Variants in KCNK10 observed in about 807,000 individuals in gnomAD.
The protein encoded by KCNK10 is potassium two pore domain channel subfamily K member 10.
Under a neutral mutation model 47.7 loss-of-function variants are expected in KCNK10, and 25 were observed. The ratio of observed to expected loss-of-function variants is 0.52; its 90% confidence interval spans 0.38 to 0.73. The LOEUF (loss-of-function observed/expected upper bound fraction) is 0.73, where lower values mean the gene tolerates loss of function less well. Among genes scored for constraint, KCNK10 ranks in the 30% least tolerant of loss-of-function variants. The pLI, the probability that KCNK10 is intolerant of heterozygous loss-of-function variation, is 0.00. For missense variants in KCNK10, 563 were observed against 714.5 expected, an observed-to-expected ratio of 0.79 and a Z score of 2.42; for synonymous variants, 303 against 285.6, an observed-to-expected ratio of 1.06 and a Z score of -0.61.
In KCNK10 at chr14:88,185,807, A is replaced by T. The variant is rs781473836; in HGVS notation, c.1360T>A (p.Ser454Thr). 15 of 1,613,922 alleles carry T rather than the reference A, an allele frequency of 9.3e-6. No individual in the cohort carries two copies. The Admixed American group carries it at 2.5e-4, about 27-fold the overall frequency. ...SEDNIINKFG[S>T]TSRLTKRKNK... ...TTCCTCTTGGTGAGTCTGGAGGTGG[A>T]CCCGAACTTGTTGATGATGTTGTCC... Residue 454 changes from serine to threonine, a missense_variant, in exon 7 of 7, where the codon TCC (serine) becomes ACC (threonine). Transcript: ENST00000319231. This position sits in a 1 kb window ranked among gnomAD's most constrained non-coding sequence, Gnocchi z 4.3.
At chr14:88,243,256 T>C (rs965972482) in intron 2 of KCNK10, among the ~76,000 whole-genome samples, 2 of 152,236 alleles carry the variant, frequency 1.3e-5, no homozygotes, top group African/African-American at 4.8e-5. Context: ...GTTTTATCCT[T>C]TCTACAACTT....
intron 3 of KCNK10, among the ~76,000 whole-genome samples, chr14:88,228,646 TAAAA>T (rs902899408): frequency 2.6e-5 from 4 of 152,114 alleles, no homozygotes; most frequent in Non-Finnish European, 4.4e-5. Flanking sequence ...TGCAACATGA[TAAAA>T]AAACGTTGAT....
intron 1 of KCNK10, among the ~76,000 whole-genome samples, chr14:88,309,889 C>T (rs2139798061): frequency 6.6e-6 from 1 of 152,036 alleles, no homozygotes; most frequent in East Asian, 2.0e-4. Flanking sequence ...TGAAAAGTTG[C>T]TTTCAGTGAC....
In KCNK10 at chr14:88,238,127, C is replaced by A. The variant is rs561365824; in HGVS notation, c.520+2576G>T. On this transcript the variant is annotated intron_variant, in intron 3 of 6. Transcript: ENST00000319231. ...TTTATGTTATCAAAAGGTCTTCTTACCTTAAATGTCATAAACCAACCTCTG... is the reference window on the plus strand; with the variant it reads ...TTTATGTTATCAAAAGGTCTTCTTAACTTAAATGTCATAAACCAACCTCTG... Among the ~76,000 whole-genome samples, 10 of 152,284 alleles carry A rather than the reference C, an allele frequency of 6.6e-5. No homozygotes were observed. In the East Asian group the frequency reaches 1.7e-3, roughly 26 times the overall value.
intron 1 of KCNK10, among the ~76,000 whole-genome samples, chr14:88,266,801 T>C (rs1437017765): frequency 6.6e-6 from 1 of 152,154 alleles, no homozygotes; most frequent in Non-Finnish European, 1.5e-5. Flanking sequence ...CCTCATCAGC[T>C]GACATGCAAT....
intron 4 of KCNK10, among the ~76,000 whole-genome samples, chr14:88,212,592 A>C (rs1170558304): frequency 6.6e-6 from 1 of 152,204 alleles, no homozygotes; most frequent in Non-Finnish European, 1.5e-5. Flanking sequence ...TATTCTGTCC[A>C]CTGGCAATGC....
At chr14:88,235,153 G>A in intron 3 of KCNK10, 1 of 456,660 alleles carries the variant, frequency 2.2e-6, no homozygotes, top group Non-Finnish European at 4.4e-6. Flanking sequence ...GAAACACTCT[G>A]TCACAGAAAT....
chr14:88,297,584 C>G (rs570546558), intron 1 of KCNK10, among the ~76,000 whole-genome samples: 7 of 152,286 alleles, frequency 4.6e-5, no homozygotes, highest in Non-Finnish European at 1.0e-4. Flanking sequence ...CATTTGTACC[C>G]TAAATTGTCT....
chr14:88,295,757 C>T (rs1887973212), intron 1 of KCNK10, among the ~76,000 whole-genome samples: 1 of 152,124 alleles, frequency 6.6e-6, no homozygotes, highest in South Asian at 2.1e-4. Context: ...CAGGAGAACA[C>T]CTCCACTAGT....
At chr14:88,200,442 C>T (rs781476128) in intron 4 of KCNK10, among the ~76,000 whole-genome samples, 5 of 152,104 alleles carry the variant, frequency 3.3e-5, no homozygotes, top group Admixed American at 1.3e-4. Context: ...AAGAAGGCTT[C>T]CCAGCTACGT....
At position 88,185,440 on chromosome 14, in the gene KCNK10, A is replaced by G. The variant is rs918813195; in HGVS notation, c.*95T>C. 8.7e-6 allele frequency: 13 copies of G among 1,495,264 alleles called. 1 individual carries two copies. Among genetic ancestry groups the G allele is most frequent in the East Asian group, 4.6e-5 (2 of 43,924 alleles). The allele number at this position is 1,495,264 out of a possible 1,614,324, so 92.6% of individuals were successfully genotyped here. A position where few individuals can be genotyped will look rare whatever the true frequency, so the allele number is the denominator to read the frequency against. On this transcript the variant is annotated 3_prime_UTR_variant, in exon 7 of 7. Transcript: ENST00000319231. This position sits in a 1 kb window ranked among gnomAD's most constrained non-coding sequence, Gnocchi z 4.3. The stretch of plus-strand genomic sequence containing the variant: ...CTTCAATGCTATGTAATTTTGGACT[A>G]AAAAGTCTGTTTAAGGCACATGTCT...
chr14:88,275,618 G>T (rs574807550), intron 1 of KCNK10, among the ~76,000 whole-genome samples: 1 of 150,474 alleles, frequency 6.6e-6, no homozygotes, highest in South Asian at 2.1e-4. Flanking sequence ...TGAGGCCGAG[G>T]CAGGGGATCA....
intron 2 of KCNK10, among the ~76,000 whole-genome samples, chr14:88,255,434 C>G (rs961347418): frequency 6.6e-6 from 1 of 151,862 alleles, no homozygotes; most frequent in Non-Finnish European, 1.5e-5. Flanking sequence ...TGCCTCAAAC[C>G]TGTAATATCA....
At chr14:88,309,352 A>T (rs1024164886) in intron 1 of KCNK10, among the ~76,000 whole-genome samples, 2 of 152,190 alleles carry the variant, frequency 1.3e-5, no homozygotes, top group Admixed American at 6.5e-5. Flanking sequence ...CGGTAATTCC[A>T]GCACTTTGGG....
chr14:88,231,778 G>A (rs1886166038), intron 3 of KCNK10, among the ~76,000 whole-genome samples: 1 of 152,170 alleles, frequency 6.6e-6, no homozygotes, highest in Non-Finnish European at 1.5e-5. Context: ...AGAAGTGCCT[G>A]AAGGTATTCC....
chr14:88,257,248 T>C (rs1187393605), intron 2 of KCNK10, among the ~76,000 whole-genome samples: 1 of 152,120 alleles, frequency 6.6e-6, no homozygotes, highest in East Asian at 1.9e-4. Context: ...CAGCAGCCAA[T>C]TTCCATCTTC....
chr14:88,322,923 G>T lies in KCNK10; in HGVS notation c.-125C>A. 2 of 1,533,840 alleles carry T rather than the reference G, an allele frequency of 1.3e-6. No individual in the cohort carries two copies. Among genetic ancestry groups the T allele is most frequent in the African/African-American group, 1.4e-5 (1 of 72,788 alleles). On this transcript the variant is annotated 5_prime_UTR_variant, in exon 1 of 7. Transcript: ENST00000319231. This position sits in a 1 kb window ranked among gnomAD's most constrained non-coding sequence, Gnocchi z 4.8. ...TCCGAGGATGGGGGAGCCTTGGACTGGCTCGTGGAGGAACCCCAGAAAAAG... is the reference window on the plus strand; with the variant it reads ...TCCGAGGATGGGGGAGCCTTGGACTTGCTCGTGGAGGAACCCCAGAAAAAG...
rs899192500 is a variant in KCNK10, at chr14:88,260,641, C to G, written c.402+2561G>C. On this transcript the variant is annotated intron_variant, in intron 2 of 6. Transcript: ENST00000319231. This position sits in a 1 kb window ranked among gnomAD's most constrained non-coding sequence, Gnocchi z 4.5. ...TTGGTGGTTGGAAAGTTACTCACCT[C>G]TTTAAGGAAACTGATGTTTCCTCCC... Among the ~76,000 whole-genome samples, 2 of 152,178 alleles carry G rather than the reference C, an allele frequency of 1.3e-5. No homozygotes were observed. The highest frequency in any genetic ancestry group is 4.8e-5 in the African/African-American group (2 of 41,442).
At chr14:88,205,895 TGA>T (rs1885259623) in intron 4 of KCNK10, among the ~76,000 whole-genome samples, 1 of 152,152 alleles carries the variant, frequency 6.6e-6, no homozygotes, top group South Asian at 2.1e-4. Flanking sequence ...CAAGAAAATA[TGA>T]GAGTACTGTT....
Sources: gnomAD v4.1 joint callset for allele counts (sites outside exome capture counted in the v4.1 genomes callset) on GRCh38, gnomAD v4.1.1 for gene constraint, Gnocchi (gnomAD v3.1) non-coding constraint, MANE v1.5 for transcripts, NCBI Gene and HGNC (gene_info 2026-07-23, HGNC 2026-07-21) for gene names.